The following FSTL1 variants were observed in gnomAD, a reference collection of about 807,000 sequenced individuals.
The protein encoded by FSTL1 is follistatin like 1.
FSTL1 carries 24 observed loss-of-function variants against 45.9 expected under a neutral mutation model. The observed-to-expected ratio is 0.52, with a 90% CI of 0.38 to 0.74. FSTL1 has a LOEUF of 0.74. Ranked by LOEUF, FSTL1 falls within the 30% of genes least tolerant of loss-of-function variation. FSTL1 has a pLI of 0.00. For missense variants in FSTL1, 340 were observed against 381.8 expected (o/e 0.89, Z 0.91); for synonymous variants, 120 against 137.6 (o/e 0.87, Z 0.89).
At position 120,402,913 on chromosome 3, in the gene FSTL1, C is replaced by T; in HGVS notation, c.700G>A (p.Ala234Thr). ...TCTGCATACGTTTCATCCTCCAGGGCACACTCTGTTGGGCCAGAAATACGG... is the reference window on the plus strand; with the variant it reads ...TCTGCATACGTTTCATCCTCCAGGGTACACTCTGTTGGGCCAGAAATACGG... ...PSFNPPEKKC[A>T]LEDETYADGA... The change falls in exon 9 of 11, where the codon GCC becomes ACC. Residue 234 changes from alanine to threonine, a missense_variant. Ala to Thr is a moderately conservative substitution (Grantham distance 58, BLOSUM62 0). Coordinates refer to ENST00000295633, the MANE Select transcript of FSTL1 (RefSeq NM_007085.5). 1 of 1,602,296 alleles carries T rather than the reference C, an allele frequency of 6.2e-7. No homozygotes were observed.
chr3:120,432,113 A>G (rs1459604179), intron 2 of FSTL1, among the ~76,000 whole-genome samples: 2 of 152,226 alleles, frequency 1.3e-5, no homozygotes, highest in Non-Finnish European at 2.9e-5. Flanking sequence ...TTTTGGGGGC[A>G]TACAAATCCA....
intron 2 of FSTL1, among the ~76,000 whole-genome samples, chr3:120,429,457 C>T (rs1937440457): frequency 1.3e-5 from 2 of 152,240 alleles, no homozygotes; most frequent in African/African-American, 4.8e-5. Context: ...CAGGCCTAAA[C>T]TGTGACACAT....
At position 120,394,259 on chromosome 3, in the gene FSTL1, A is replaced by C. The variant is rs1257965986; in HGVS notation, c.*2693T>G. 1 of 152,200 alleles carries C rather than the reference A, an allele frequency of 6.6e-6. No individual in the cohort carries two copies. Among genetic ancestry groups the C allele is most frequent in the Non-Finnish European group, 1.5e-5 (1 of 68,024 alleles). The allele number at this position is 152,200 out of a possible 1,614,324, so 9.4% of individuals were successfully genotyped here. ...GACTTTATTTGGCCTTAATTGGGGG[A>C]AAGGAAACCAATAAAACCATCACTT... On this transcript the variant is annotated 3_prime_UTR_variant, in exon 11 of 11. Coordinates refer to ENST00000295633, the MANE Select transcript of FSTL1 (RefSeq NM_007085.5).
intron 2 of FSTL1, among the ~76,000 whole-genome samples, chr3:120,436,807 G>A (rs903561040): frequency 6.6e-6 from 1 of 152,174 alleles, no homozygotes; most frequent in Non-Finnish European, 1.5e-5. Context: ...ATAGCACATA[G>A]TGCAAAACCA....
intron 2 of FSTL1, among the ~76,000 whole-genome samples, chr3:120,417,965 C>A (rs1937215709): frequency 1.3e-5 from 2 of 152,214 alleles, no homozygotes; most frequent in South Asian, 4.1e-4. Flanking sequence ...AACTGTAAAA[C>A]AAGCTGCATA....
chr3:120,431,415 CTT>C (rs1370676411), intron 2 of FSTL1, among the ~76,000 whole-genome samples: 1 of 152,128 alleles, frequency 6.6e-6, no homozygotes, highest in African/African-American at 2.4e-5. Context: ...CATACTAAGT[CTT>C]TGGAATCTGG....
chr3:120,440,046 G>A (rs902875361), intron 2 of FSTL1, among the ~76,000 whole-genome samples: 1 of 152,170 alleles, frequency 6.6e-6, no homozygotes, highest in Non-Finnish European at 1.5e-5. Context: ...CCAGGATGTA[G>A]AGGCTGCAGT....
In FSTL1 at chr3:120,428,219, T is replaced by G. The variant is rs1937416763; in HGVS notation, c.64-12192A>C. Among the ~76,000 whole-genome samples, 4 of 152,180 alleles carry G rather than the reference T, an allele frequency of 2.6e-5. No individual in the cohort carries two copies. The South Asian group carries it at 8.3e-4, about 31-fold the overall frequency. Reference sequence around the variant, plus strand: ...GACCTTGCAGTGGGCTGGAATACACTGAAACACGAGTTGCCGGGACAGCAA... The same window carrying G: ...GACCTTGCAGTGGGCTGGAATACACGGAAACACGAGTTGCCGGGACAGCAA... On this transcript the variant is annotated intron_variant, in intron 2 of 10. Coordinates refer to ENST00000295633, the MANE Select transcript of FSTL1 (RefSeq NM_007085.5).
At chr3:120,433,723 T>C (rs1937512628) in intron 2 of FSTL1, among the ~76,000 whole-genome samples, 1 of 152,110 alleles carries the variant, frequency 6.6e-6, no homozygotes, top group South Asian at 2.1e-4. Flanking sequence ...GGGCACCACT[T>C]AGATTGAGTG....
Position 120,412,830 on chromosome 3 carries a change from GCGCGCGCGCACACACA to G in FSTL1, c.169-863_169-848del, listed in dbSNP as rs1308214848. Reference sequence around the variant, plus strand: ...AACACACACACATGTGCGCGCGCGCGCGCGCGCGCACACACACACACACACACACACACACACACAC... The same window carrying G: ...AACACACACACATGTGCGCGCGCGCGCACACACACACACACACACACACAC... On this transcript the variant is annotated intron_variant, in intron 3 of 10. Coordinates refer to ENST00000295633, the MANE Select transcript of FSTL1 (RefSeq NM_007085.5). 2.5e-3 allele frequency among the ~76,000 whole-genome samples: 209 copies of G among 81,970 alleles called. 1 individual carries two copies. The highest frequency in any genetic ancestry group is 8.1e-3 in the African/African-American group (192 of 23,788). 53.8% of individuals were successfully genotyped at this position (81,970 alleles called of 152,430 possible). A position where few individuals can be genotyped will look rare whatever the true frequency, so the allele number is the denominator to read the frequency against.
chr3:120,405,229 C>A (rs1220745413), intron 6 of FSTL1, among the ~76,000 whole-genome samples: 1 of 152,214 alleles, frequency 6.6e-6, no homozygotes, highest in Non-Finnish European at 1.5e-5. Flanking sequence ...CCTAAGCATG[C>A]TGTGTGGCCC....
At chr3:120,436,469 C>T (rs772417126) in intron 2 of FSTL1, among the ~76,000 whole-genome samples, 5 of 152,210 alleles carry the variant, frequency 3.3e-5, no homozygotes, top group Non-Finnish European at 5.9e-5. Context: ...TCTTTGATCA[C>T]TATCAAGCCC....
intron 10 of FSTL1, among the ~76,000 whole-genome samples, chr3:120,398,367 T>C (rs1936749015): frequency 6.6e-6 from 1 of 152,198 alleles, no homozygotes; most frequent in African/African-American, 2.4e-5. Flanking sequence ...TCCTACCTAC[T>C]GCCAGCACCT....
intron 2 of FSTL1, among the ~76,000 whole-genome samples, chr3:120,433,149 C>T (rs1189470125): frequency 6.6e-6 from 1 of 152,210 alleles, no homozygotes; most frequent in African/African-American, 2.4e-5. Context: ...GGGACATTAG[C>T]TTCCTCTGGG....
Position 120,443,693 on chromosome 3 carries a change from C to T in FSTL1, c.63+6991G>A, listed in dbSNP as rs182156453. 2.7e-5 allele frequency among the ~76,000 whole-genome samples: 4 copies of T among 149,874 alleles called. No homozygotes were observed. In the East Asian group the frequency reaches 7.7e-4, roughly 29 times the overall value. ...ATAGCTTTTGTCATGTATCATATGA[C>T]CTGTTTGTCAACAGCTTAGTTGGTC... is the stretch of plus-strand genomic sequence containing the variant. On this transcript the variant is annotated intron_variant, in intron 2 of 10. Coordinates refer to ENST00000295633, the MANE Select transcript of FSTL1 (RefSeq NM_007085.5).
intron 4 of FSTL1, chr3:120,411,186 T>C (rs1937043796): frequency 2.0e-6 from 1 of 509,250 alleles, no homozygotes; most frequent in African/African-American, 1.9e-5. Context: ...TCTGACAATT[T>C]AGGGCCACTG....
At chr3:120,435,408 G>A (rs1164438322) in intron 2 of FSTL1, among the ~76,000 whole-genome samples, 1 of 152,104 alleles carries the variant, frequency 6.6e-6, no homozygotes, top group Non-Finnish European at 1.5e-5. Context: ...CCTTCTTCCA[G>A]TCTTCCTCAT....
At chr3:120,423,933 T>C (rs989619327) in intron 2 of FSTL1, 1 of 142,624 alleles carries the variant, frequency 7.0e-6, no homozygotes, top group Non-Finnish European at 1.5e-5. Context: ...GGTTTGAATA[T>C]GGTTCTTATT....
rs1400727615 is a variant in FSTL1, at chr3:120,396,591, G to T, written c.*361C>A. 1 of 199,426 alleles carries T rather than the reference G, an allele frequency of 5.0e-6. No homozygotes were observed. Among genetic ancestry groups the T allele is most frequent in the Non-Finnish European group, 1.0e-5 (1 of 98,576 alleles). 12.4% of individuals were successfully genotyped at this position (199,426 alleles called of 1,614,324 possible). On this transcript the variant is annotated 3_prime_UTR_variant, in exon 11 of 11. Coordinates refer to ENST00000295633, the MANE Select transcript of FSTL1 (RefSeq NM_007085.5). ...CTCTCCTCCGGGGACACCCTGCTAA[G>T]TTCTCTCTGGCATCGTGTGCACTCC...
Sources: allele counts gnomAD v4.1 joint callset (sites outside exome capture counted in the v4.1 genomes callset), GRCh38; gene constraint gnomAD v4.1.1; transcripts MANE v1.5; gene names NCBI Gene and HGNC (gene_info 2026-07-23, HGNC 2026-07-21).